Variants in SFSWAP observed in about 807,000 individuals in gnomAD.
The protein encoded by SFSWAP is splicing factor SWAP, also known as splicing factor, suppressor of white-apricot homolog.
SFSWAP carries 17 observed loss-of-function variants against 100.7 expected under a neutral mutation model. That is an observed-to-expected ratio of 0.17 (90% CI 0.12 to 0.25). The LOEUF (loss-of-function observed/expected upper bound fraction) is 0.25, where lower values mean the gene tolerates loss of function less well. SFSWAP is among the 10% of genes least tolerant of loss of function. The pLI, the probability that SFSWAP is intolerant of heterozygous loss-of-function variation, is 1.00. For missense variants in SFSWAP, 1,005 were observed against 1,262.6 expected (o/e 0.80, Z 3.09); for synonymous variants, 504 against 510.1 (o/e 0.99, Z 0.16).
chr12:131,757,783 G>A (rs971284519), intron 11 of SFSWAP, among the ~76,000 whole-genome samples: 3 of 152,136 alleles, frequency 2.0e-5, no homozygotes, highest in South Asian at 2.1e-4. Context: ...CCTCTCATTC[G>A]AGTAGGTTAC....
At chr12:131,763,360 T>A (rs899552639) in intron 11 of SFSWAP, among the ~76,000 whole-genome samples, 3 of 152,204 alleles carry the variant, frequency 2.0e-5, no homozygotes, top group Admixed American at 1.3e-4. Context: ...TGTGGGTGCC[T>A]TGAATATTCT....
At chr12:131,781,458 C>T (rs1593183790) in intron 14 of SFSWAP, among the ~76,000 whole-genome samples, 1 of 151,650 alleles carries the variant, frequency 6.6e-6, no homozygotes, top group African/African-American at 2.4e-5. Flanking sequence ...AGGATGGTCT[C>T]GATCTCCTGA....
chr12:131,731,054 C>T (rs893136007), intron 7 of SFSWAP, among the ~76,000 whole-genome samples: 2 of 152,220 alleles, frequency 1.3e-5, no homozygotes, highest in Non-Finnish European at 2.9e-5. Context: ...CCACCACAGT[C>T]CCACCCATCT....
intron 3 of SFSWAP, among the ~76,000 whole-genome samples, chr12:131,718,682 G>A (rs1170601711): frequency 6.6e-6 from 1 of 152,212 alleles, no homozygotes; most frequent in Non-Finnish European, 1.5e-5. Context: ...TCTAGGAATT[G>A]ACTACCTTAT....
At chr12:131,760,256 C>T (rs7298593) in intron 11 of SFSWAP, among the ~76,000 whole-genome samples, 12,693 of 152,104 alleles carry the variant, frequency 0.083, 689 homozygotes, top group Non-Finnish European at 0.12. Context: ...AAGACAAATA[C>T]AGAAATGGCA....
intron 3 of SFSWAP, among the ~76,000 whole-genome samples, chr12:131,715,528 A>G (rs1482199945): frequency 6.6e-6 from 1 of 152,256 alleles, no homozygotes; most frequent in African/African-American, 2.4e-5. Flanking sequence ...TTGAATATAA[A>G]AAATAGTGCT....
intron 6 of SFSWAP, among the ~76,000 whole-genome samples, chr12:131,727,482 C>A (rs556276229): frequency 6.6e-6 from 1 of 152,200 alleles, no homozygotes; most frequent in South Asian, 2.1e-4. Context: ...CCTATCACTA[C>A]TAAAAATACA....
At chr12:131,720,885 G>C (rs1878410783) in intron 4 of SFSWAP, among the ~76,000 whole-genome samples, 1 of 152,034 alleles carries the variant, frequency 6.6e-6, no homozygotes, top group South Asian at 2.1e-4. Flanking sequence ...GTATTGGTCT[G>C]TTCTCACACA....
intron 14 of SFSWAP, chr12:131,784,788 G>A (rs1383179888): frequency 6.0e-5 from 16 of 268,350 alleles, no homozygotes; most frequent in Non-Finnish European, 3.5e-5. Flanking sequence ...TAAGATGGGC[G>A]TTTTCCCCAG....
At chr12:131,722,870 G>A (rs959245965) in intron 4 of SFSWAP, among the ~76,000 whole-genome samples, 7 of 152,132 alleles carry the variant, frequency 4.6e-5, no homozygotes, top group Non-Finnish European at 1.0e-4. Context: ...GATGGTTTGA[G>A]CCCTGGAGGT....
At chr12:131,764,155 AT>A (rs1882910849) in intron 11 of SFSWAP, among the ~76,000 whole-genome samples, 1 of 152,134 alleles carries the variant, frequency 6.6e-6, no homozygotes, top group Non-Finnish European at 1.5e-5. Context: ...AATGACAAGA[AT>A]TGGCCATTTA....
chr12:131,793,766 A>T (rs753811224), intron 15 of SFSWAP, among the ~76,000 whole-genome samples: 1 of 152,164 alleles, frequency 6.6e-6, no homozygotes, highest in African/African-American at 2.4e-5. Context: ...AAGCCAGCCG[A>T]CTTGACAGAA....
At position 131,778,779 on chromosome 12, in the gene SFSWAP, G is replaced by A. The variant is rs1884231066; in HGVS notation, c.2408+449G>A. 6.6e-6 allele frequency among the ~76,000 whole-genome samples: 1 copy of A among 152,086 alleles called. No homozygotes were observed. Among genetic ancestry groups the A allele is most frequent in the Non-Finnish European group, 1.5e-5 (1 of 68,022 alleles). ...GTAATCCACCCACCTTGGCCTCCCA[G>A]AGTGCTGGGATTACAGGCCTAAGCC... On this transcript the variant is annotated intron_variant, in intron 14 of 17. Coordinates refer to ENST00000261674, the MANE Select transcript of SFSWAP (RefSeq NM_004592.4). This position sits in a 1 kb window ranked among gnomAD's most constrained non-coding sequence, Gnocchi z 4.2.
At chr12:131,785,172 C>A in intron 14 of SFSWAP, 1 of 1,535,710 alleles carries the variant, frequency 6.5e-7, no homozygotes, top group East Asian at 2.4e-5. Flanking sequence ...CAGCCTCGAC[C>A]ACCACCAGAT....
chr12:131,783,792 T>TTATTTATATATATATATA, intron 14 of SFSWAP: 1 of 86,682 alleles, frequency 1.2e-5, no homozygotes, highest in African/African-American at 3.6e-5. Context: ...AAAAAACATT[T>TTATTTATATATATATATA]TATATATATA....
intron 4 of SFSWAP, among the ~76,000 whole-genome samples, chr12:131,719,993 G>GGT (rs1273675800): frequency 6.6e-6 from 1 of 152,158 alleles, no homozygotes; most frequent in Non-Finnish European, 1.5e-5. Flanking sequence ...TGTTGTGATA[G>GGT]GTCCCTGTGG....
chr12:131,782,296 G>C (rs539692357), intron 14 of SFSWAP, among the ~76,000 whole-genome samples: 86 of 152,268 alleles, frequency 5.6e-4, no homozygotes, highest in Admixed American at 9.2e-4. Context: ...CTCCATCCAA[G>C]CTCTGCCAGC....
intron 5 of SFSWAP, among the ~76,000 whole-genome samples, chr12:131,726,168 A>G (rs929252874): frequency 1.4e-5 from 2 of 144,938 alleles, no homozygotes; most frequent in African/African-American, 2.5e-5. Context: ...ATATATATGT[A>G]TATATATACA....
At chr12:131,770,851 C>T (rs1883530340) in intron 13 of SFSWAP, among the ~76,000 whole-genome samples, 1 of 152,176 alleles carries the variant, frequency 6.6e-6, no homozygotes, top group Non-Finnish European at 1.5e-5. Context: ...ACTCTCTGCC[C>T]TCCCCTCCCC....
Sources: gnomAD v4.1 joint callset for allele counts (sites outside exome capture counted in the v4.1 genomes callset) on GRCh38, gnomAD v4.1.1 for gene constraint, Gnocchi (gnomAD v3.1) non-coding constraint, MANE v1.5 for transcripts, NCBI Gene and HGNC (gene_info 2026-07-23, HGNC 2026-07-21) for gene names.